SLC22A15: variants seen among roughly 807,000 people sequenced by gnomAD.
SLC22A15 encodes the protein flipt 1.
Under a neutral mutation model 62.7 loss-of-function variants are expected in SLC22A15, and 45 were observed. The ratio of observed to expected loss-of-function variants is 0.72; its 90% CI spans 0.56 to 0.92. The LOEUF (loss-of-function observed/expected upper bound fraction) is 0.92, where lower values mean the gene tolerates loss of function less well. Among genes scored for constraint, SLC22A15 ranks in the 40% least tolerant of loss-of-function variants. SLC22A15 has a pLI of 0.00. For missense variants in SLC22A15, 622 were observed against 665.6 expected, an observed-to-expected ratio of 0.93 and a Z score of 0.72; for synonymous variants, 264 against 267.0, an observed-to-expected ratio of 0.99 and a Z score of 0.11.
chr1:116,001,409 T>G (rs1655723521), intron 2 of SLC22A15, among the ~76,000 whole-genome samples: 1 of 152,196 alleles, frequency 6.6e-6, no homozygotes, highest in African/African-American at 2.4e-5. Flanking sequence ...ATTATCTCTT[T>G]GAATAAACTT....
At position 115,993,097 on chromosome 1, in the gene SLC22A15, A is replaced by C. The variant is rs551254937; in HGVS notation, c.300+854A>C. On this transcript the variant is annotated intron_variant, in intron 2 of 11. Coordinates refer to ENST00000369503, the MANE Select transcript of SLC22A15 (RefSeq NM_018420.3). ...GAGCCAGCCAGAGGTAAAGAATCTGAGGGTAGATGGTCTGGTGAAGAGAAA... is the reference window on the plus strand; with the variant it reads ...GAGCCAGCCAGAGGTAAAGAATCTGCGGGTAGATGGTCTGGTGAAGAGAAA... 1.6e-4 allele frequency among the ~76,000 whole-genome samples: 25 copies of C among 152,254 alleles called. No homozygotes were observed. The South Asian group carries it at 5.0e-3, about 30-fold the overall frequency.
chr1:116,037,575 G>A, intron 8 of SLC22A15, 187 bp downstream of exon 8: 1 of 545,956 alleles, frequency 1.8e-6, no homozygotes, highest in East Asian at 2.9e-5. Context: ...AATAATGTGT[G>A]TAGAGGTGCA....
chr1:115,981,096 C>T (rs1403556464), intron 1 of SLC22A15, among the ~76,000 whole-genome samples: 4 of 152,156 alleles, frequency 2.6e-5, no homozygotes, highest in African/African-American at 9.7e-5. Context: ...CACCATGTCC[C>T]TCCACAGGAA....
At chr1:116,011,716 G>T (rs930085706) in intron 2 of SLC22A15, among the ~76,000 whole-genome samples, 3 of 152,106 alleles carry the variant, frequency 2.0e-5, no homozygotes, top group Non-Finnish European at 4.4e-5. Context: ...GGTAAGCTCT[G>T]CTGGGGTAAG....
At chr1:116,022,436 A>G (rs546089477) in intron 4 of SLC22A15, among the ~76,000 whole-genome samples, 2 of 152,288 alleles carry the variant, frequency 1.3e-5, no homozygotes, top group South Asian at 4.1e-4. Flanking sequence ...GAGGTCCAAA[A>G]TTGTGCTCAT....
Position 116,067,032 on chromosome 1 carries a change from A to C in SLC22A15, c.1568A>C (p.Glu523Ala), listed in dbSNP as rs1175202455. The C allele has an allele frequency of 6.2e-7, 1 of 1,612,062 alleles. No homozygotes were observed. Among genetic ancestry groups the C allele is most frequent in the Non-Finnish European group, 8.5e-7 (1 of 1,179,164 alleles). ...ALDPQQCVDK[E>A]SSLGSESEEE... Reference sequence around the variant, plus strand: ...TTCCTGTTTCAGTGTGTGGACAAGGAGAGCTCTTTAGGGAGTGAGAGTGAG... The same window carrying C: ...TTCCTGTTTCAGTGTGTGGACAAGGCGAGCTCTTTAGGGAGTGAGAGTGAG... The change falls in exon 12 of 12, where the codon GAG (glutamate) becomes GCG (alanine). Residue 523 changes from glutamate (E) to alanine (A), a missense_variant. Coordinates refer to ENST00000369503, the MANE Select transcript of SLC22A15 (RefSeq NM_018420.3).
intron 6 of SLC22A15, among the ~76,000 whole-genome samples, chr1:116,033,837 C>A (rs75119142): frequency 4.4e-4 from 67 of 152,118 alleles, no homozygotes; most frequent in African/African-American, 1.5e-3. Context: ...CAATCCTGCC[C>A]GTTGTCCTTG....
At position 116,038,781 on chromosome 1, in the gene SLC22A15, A is replaced by AT. The variant is rs558964036; in HGVS notation, c.1171+1403dup. On this transcript the variant is annotated intron_variant, in intron 8 of 11. Transcript: ENST00000369503. Reference sequence around the variant, plus strand: ...ACAGGTACCTTGAGAATTCAGTTTCATTTTTTTTTTAAGCTGCAATAATAG... The same window carrying AT: ...ACAGGTACCTTGAGAATTCAGTTTCATTTTTTTTTTTAAGCTGCAATAATAG... Among the ~76,000 whole-genome samples the AT allele has an allele frequency of 1.3e-4, 19 of 148,884 alleles. No homozygotes were observed. The South Asian group carries it at 1.3e-3, about 10-fold the overall frequency.
In SLC22A15 at chr1:116,033,446, C is replaced by T. The variant is rs562861424; in HGVS notation, c.945-1741C>T. On this transcript the variant is annotated intron_variant, in intron 6 of 11. Transcript: ENST00000369503. The stretch of plus-strand genomic sequence containing the variant: ...GGCCTTCCATGCTTCATGCTCTCCC[C>T]GTTCTCTCTCACCACCAGCTGGGAA... Among the ~76,000 whole-genome samples the T allele has an allele frequency of 1.8e-4, 28 of 152,208 alleles. 1 individual carries two copies. In the South Asian group the frequency reaches 5.8e-3, roughly 32 times the overall value.
At chr1:115,984,812 G>A (rs947974320) in intron 1 of SLC22A15, among the ~76,000 whole-genome samples, 1 of 151,244 alleles carries the variant, frequency 6.6e-6, no homozygotes, top group East Asian at 1.9e-4. Context: ...AGGCTAATGT[G>A]TGTGTGTCTT....
chr1:116,010,909 G>T (rs771681875), intron 2 of SLC22A15, among the ~76,000 whole-genome samples: 1 of 152,210 alleles, frequency 6.6e-6, no homozygotes, highest in African/African-American at 2.4e-5. Flanking sequence ...CAAGAGGCTC[G>T]ATCAATAGGC....
In SLC22A15 at chr1:116,066,737, G is replaced by A. The variant is rs753329560; in HGVS notation, c.1554+29G>A. The A allele has an allele frequency of 3.0e-5, 47 of 1,570,422 alleles. No individual in the cohort carries two copies. The East Asian group carries it at 4.8e-4, about 16-fold the overall frequency. On this transcript the variant is annotated intron_variant, in intron 11 of 11. Transcript: ENST00000369503. The stretch of plus-strand genomic sequence containing the variant: ...TGATATTTTTCTTAATTATTATACC[G>A]CTTGGATAGTGGCAGTTAATGAAAA...
chr1:116,000,117 T>A (rs1356748502), intron 2 of SLC22A15, among the ~76,000 whole-genome samples: 1 of 152,234 alleles, frequency 6.6e-6, no homozygotes, highest in Non-Finnish European at 1.5e-5. Context: ...TTATTGTTGA[T>A]AATTAAGGAC....
At chr1:116,036,491 CTACCTT>C (rs1490062486) in intron 7 of SLC22A15, among the ~76,000 whole-genome samples, 14 of 152,116 alleles carry the variant, frequency 9.2e-5, no homozygotes, top group African/African-American at 3.4e-4. Flanking sequence ...GGAAGGAATG[CTACCTT>C]TGTGACCAGG....
chr1:116,025,282 A>G (rs1422767461), intron 4 of SLC22A15, among the ~76,000 whole-genome samples: 1 of 152,184 alleles, frequency 6.6e-6, no homozygotes, highest in African/African-American at 2.4e-5. Flanking sequence ...GAGCAATGAT[A>G]GACAAGAAGT....
Position 116,066,638 on chromosome 1 carries a change from A to G in SLC22A15, c.1484A>G (p.Asp495Gly), listed in dbSNP as rs1248517310. 6.2e-7 allele frequency: 1 copy of G among 1,612,424 alleles called. No individual in the cohort carries two copies. Among genetic ancestry groups the G allele is most frequent in the Non-Finnish European group, 8.5e-7 (1 of 1,179,404 alleles). Reference protein sequence around the residue: ...LNSPLLETFSDLQVYSYRRLG... With the variant: ...LNSPLLETFSGLQVYSYRRLG... ...AGTCCGCTGCTAGAAACATTCTCCG[A>G]CCTTCAGGTGTATTCGTATCGCAGG... is the stretch of plus-strand genomic sequence containing the variant. The change falls in exon 11 of 12, where the codon GAC becomes GGC. Residue 495 changes from aspartate (D) to glycine (G), a missense_variant. Asp to Gly is a moderately conservative substitution (Grantham distance 94). Coordinates refer to ENST00000369503, the MANE Select transcript of SLC22A15 (RefSeq NM_018420.3).
At chr1:116,052,242 T>G (rs1038032098) in intron 8 of SLC22A15, among the ~76,000 whole-genome samples, 1 of 152,138 alleles carries the variant, frequency 6.6e-6, no homozygotes, top group Admixed American at 6.5e-5. Flanking sequence ...ACCAGGAGAT[T>G]ATATCCCGCA....
chr1:115,986,269 T>C (rs778110690), intron 1 of SLC22A15, among the ~76,000 whole-genome samples: 5 of 152,162 alleles, frequency 3.3e-5, no homozygotes, highest in Admixed American at 6.5e-5. Context: ...ACTATACATA[T>C]TTGATATATA....
At position 116,044,247 on chromosome 1, in the gene SLC22A15, C is replaced by T. The variant is rs77976682; in HGVS notation, c.1171+6859C>T. On this transcript the variant is annotated intron_variant, in intron 8 of 11. Transcript: ENST00000369503. ...TGAGTCCAGCACTGCATAAAAAAGG[C>T]AATACATAATGACTAAGCAAGTTTT... 7.3e-3 allele frequency among the ~76,000 whole-genome samples: 1,116 copies of T among 152,248 alleles called. 11 individuals carry two copies. The highest frequency in any genetic ancestry group is 0.025 in the African/African-American group (1,049 of 41,536).
Sources: gnomAD v4.1 joint callset for allele counts (sites outside exome capture counted in the v4.1 genomes callset) on GRCh38, gnomAD v4.1.1 for gene constraint, MANE v1.5 for transcripts, NCBI Gene and HGNC (gene_info 2026-07-23, HGNC 2026-07-21) for gene names.